Variants in ANKEF1 observed in about 807,000 individuals in gnomAD.
ANKEF1 encodes ankyrin repeat and EF-hand domain containing 1.
A neutral mutation model predicts 65.1 loss-of-function variants in ANKEF1; 43 were observed. The ratio of observed to expected loss-of-function variants is 0.66; its 90% CI spans 0.52 to 0.85. The LOEUF is 0.85. Ranked by LOEUF, ANKEF1 falls within the 40% of genes least tolerant of loss-of-function variation. ANKEF1 has a pLI of 0.00. For synonymous variants in ANKEF1, 316 were observed against 341.5 expected (o/e 0.93, Z 0.82); for missense variants, 934 against 952.9 (o/e 0.98, Z 0.26).
chr20:10,054,420 A>G (rs1985030687), intron 9 of ANKEF1, 42 bp from the exon 10 acceptor site: 2 of 1,460,044 alleles, frequency 1.4e-6, no homozygotes, highest in Non-Finnish European at 1.8e-6. Context: ...GAAAATCAGT[A>G]TAGATTTTTA....
At position 10,051,765 on chromosome 20, in the gene ANKEF1, T is replaced by G. The variant is rs683145; in HGVS notation, c.1746T>G (p.Ala582=). 0.25 allele frequency: 409,123 copies of G among 1,613,280 alleles called. 54,040 individuals carry two copies. Among genetic ancestry groups the G allele is most frequent in the Middle Eastern group, 0.29 (1,755 of 6,056 alleles). ...DIVELLVESG[A]LIDAASINNS... ...TTGAGCTTCTTGTTGAATCTGGAGC[T>G]TTAATAGATGCAGCTTCAATCAACA... The change falls in exon 8 of 11, where the codon GCT becomes GCG. Residue 582 remains alanine (A), a synonymous_variant. Transcript: ENST00000378392.
intron 9 of ANKEF1, among the ~76,000 whole-genome samples, chr20:10,053,614 T>C (rs1445536012): frequency 4.6e-5 from 7 of 152,146 alleles, no homozygotes; most frequent in African/African-American, 1.7e-4. Flanking sequence ...ATGGTCCAAA[T>C]AGGGAAGGAG....
intron 2 of ANKEF1, among the ~76,000 whole-genome samples, chr20:10,036,235 C>T (rs1043115562): frequency 3.9e-5 from 6 of 152,174 alleles, no homozygotes; most frequent in African/African-American, 7.2e-5. Flanking sequence ...ATTAATTCTC[C>T]GTTAGAGATG....
intron 8 of ANKEF1, among the ~76,000 whole-genome samples, 184 bp downstream of exon 8, chr20:10,052,073 G>A (rs1421618015): frequency 6.6e-6 from 1 of 151,952 alleles, no homozygotes; most frequent in Non-Finnish European, 1.5e-5. Flanking sequence ...CATTGGTGTT[G>A]GAGGGCCAAT....
chr20:10,055,726 A>G lies in ANKEF1; in HGVS notation c.*66A>G, dbSNP rs1021038853. 3 of 1,563,030 alleles carry G rather than the reference A, an allele frequency of 1.9e-6. No homozygotes were observed. Among genetic ancestry groups the G allele is most frequent in the African/African-American group, 1.4e-5 (1 of 73,514 alleles). On this transcript the variant is annotated 3_prime_UTR_variant, in exon 11 of 11. Transcript: ENST00000378392. ...AGGGACCAATCTTTGGAGAAAGTAG[A>G]TATTTCCATCAAAGCCAAAGCAATC...
Position 10,049,652 on chromosome 20 carries a change from G to A in ANKEF1, c.1083G>A (p.Met361Ile). 3 of 1,614,142 alleles carry A rather than the reference G, an allele frequency of 1.9e-6. No homozygotes were observed. Among genetic ancestry groups the A allele is most frequent in the African/African-American group, 1.3e-5 (1 of 75,020 alleles). Reference sequence around the variant, plus strand: ...GCATCAGCAAGAACGACTTCGTGATGGTGTTGGAGGAAAGGCAGGATTATG... The same window carrying A: ...GCATCAGCAAGAACGACTTCGTGATAGTGTTGGAGGAAAGGCAGGATTATG... Reference protein sequence around the residue: ...DGSISKNDFVMVLEERQDYAS... With the variant: ...DGSISKNDFVIVLEERQDYAS... The change falls in exon 7 of 11, where the codon ATG becomes ATA. Residue 361 changes from methionine (M) to isoleucine (I), a missense_variant. Transcript: ENST00000378392.
rs556032652 is a variant in ANKEF1 at position 10,058,056 on chromosome 20, T to C, written c.*2396T>C. 5.9e-5 allele frequency: 9 copies of C among 152,316 alleles called. No homozygotes were observed. The South Asian group carries it at 1.9e-3, about 32-fold the overall frequency. 9.4% of individuals were successfully genotyped at this position (152,316 alleles called of 1,614,324 possible). On this transcript the variant is annotated 3_prime_UTR_variant, in exon 11 of 11. Transcript: ENST00000378392. ...ACAGATGTCATTGCACCCTTCTCAG[T>C]ACATCATATCAGGAGGCACATGATG...
intron 5 of ANKEF1, 108 bp downstream of exon 5, chr20:10,044,651 A>C: frequency 9.7e-7 from 1 of 1,029,516 alleles, no homozygotes; most frequent in Non-Finnish European, 1.4e-6. Flanking sequence ...CATTTTTCTG[A>C]GTTACCTATG....
chr20:10,039,189 A>G (rs77903039), intron 3 of ANKEF1, among the ~76,000 whole-genome samples: 1,842 of 152,332 alleles, frequency 0.012, 33 homozygotes, highest in African/African-American at 0.041. Context: ...CAAACTTTAG[A>G]CATGACCTTT....
chr20:10,054,650 T>C lies in ANKEF1; in HGVS notation c.2172+51T>C, dbSNP rs556434447. On this transcript the variant is annotated intron_variant, in intron 10 of 10. Coordinates refer to ENST00000378392, the MANE Select transcript of ANKEF1 (RefSeq NM_022096.6). ...AGCATGGTAGAAGCTCATAATGTCA[T>C]TTTTTCAAAAGCTTTTTATGTAGAA... is the stretch of plus-strand genomic sequence containing the variant. 1.9e-5 allele frequency: 30 copies of C among 1,549,606 alleles called. No homozygotes were observed. The East Asian group carries it at 6.9e-4, about 36-fold the overall frequency.
chr20:10,050,459 A>G (rs1055334402), intron 7 of ANKEF1, among the ~76,000 whole-genome samples: 18 of 152,234 alleles, frequency 1.2e-4, no homozygotes, highest in Admixed American at 6.5e-5. Flanking sequence ...CAAATGCCCT[A>G]TAAAAGTATG....
chr20:10,038,904 TGAG>T (rs971017478), intron 3 of ANKEF1, among the ~76,000 whole-genome samples: 21 of 152,374 alleles, frequency 1.4e-4, no homozygotes, highest in African/African-American at 4.3e-4. Context: ...TTCTTTTAAA[TGAG>T]GAGAATTTTG....
rs1985248263 is a variant in ANKEF1 at position 10,057,714 on chromosome 20, A to G, written c.*2054A>G. The G allele has an allele frequency of 6.6e-6, 1 of 152,208 alleles. No homozygotes were observed. The highest frequency in any genetic ancestry group is 1.5e-5 in the Non-Finnish European group (1 of 68,034). The allele number at this position is 152,208 out of a possible 1,614,324, so 9.4% of individuals were successfully genotyped here. A position where few individuals can be genotyped will look rare whatever the true frequency, so the allele number is the denominator to read the frequency against. ...AATCACGATGTTCTTTTGCATAACA[A>G]TATTACCATTGGCAAACTAAGGAAA... On this transcript the variant is annotated 3_prime_UTR_variant, in exon 11 of 11. Coordinates refer to ENST00000378392, the MANE Select transcript of ANKEF1 (RefSeq NM_022096.6).
At chr20:10,043,928 G>T (rs150919088) in intron 4 of ANKEF1, among the ~76,000 whole-genome samples, 2 of 151,942 alleles carry the variant, frequency 1.3e-5, no homozygotes, top group African/African-American at 2.4e-5. Flanking sequence ...CTTCCAAAGC[G>T]CTGGGATTAC....
intron 9 of ANKEF1, 112 bp from the exon 10 acceptor site, chr20:10,054,350 G>A: frequency 1.3e-6 from 1 of 791,418 alleles, no homozygotes; most frequent in Non-Finnish European, 1.9e-6. Context: ...AACTTGTACA[G>A]TAGCATTTTT....
At position 10,056,687 on chromosome 20, in the gene ANKEF1, A is replaced by G. The variant is rs1985194063; in HGVS notation, c.*1027A>G. The G allele has an allele frequency of 6.6e-6, 1 of 152,114 alleles. No homozygotes were observed. Among genetic ancestry groups the G allele is most frequent in the Non-Finnish European group, 1.5e-5 (1 of 68,024 alleles). 9.4% of individuals were successfully genotyped at this position (152,114 alleles called of 1,614,324 possible). ...AGTGGAATTTCTTCTTCATCATGGAAACCTCAGTTTTGTTCATACACCTAA... is the reference window on the plus strand; with the variant it reads ...AGTGGAATTTCTTCTTCATCATGGAGACCTCAGTTTTGTTCATACACCTAA... On this transcript the variant is annotated 3_prime_UTR_variant, in exon 11 of 11. Transcript: ENST00000378392.
chr20:10,038,011 A>G (rs1203213255), intron 2 of ANKEF1, among the ~76,000 whole-genome samples: 2 of 152,204 alleles, frequency 1.3e-5, no homozygotes, highest in African/African-American at 4.8e-5. Context: ...TGTGATGAGG[A>G]GGGAAGGTTA....
Position 10,044,453 on chromosome 20 carries a change from A to G in ANKEF1, c.606A>G (p.Arg202=), listed in dbSNP as rs1231068989. Reference sequence around the variant, plus strand: ...GAGAAGGGGTAGTGGAAATAGTTCGAGGCATATTGGAAAGAGGAGGTGAAG... The same window carrying G: ...GAGAAGGGGTAGTGGAAATAGTTCGGGGCATATTGGAAAGAGGAGGTGAAG... ...ASREGVVEIV[R]GILERGGEVN... is the part of the protein sequence containing the mutation. Residue 202 remains arginine, a synonymous_variant, in exon 5 of 11, where the codon CGA becomes CGG. Transcript: ENST00000378392. 7 of 1,614,154 alleles carry G rather than the reference A, an allele frequency of 4.3e-6. No individual in the cohort carries two copies. Among genetic ancestry groups the G allele is most frequent in the African/African-American group, 1.3e-5 (1 of 75,062 alleles).
At chr20:10,048,933 A>G (rs1984672671) in intron 6 of ANKEF1, among the ~76,000 whole-genome samples, 1 of 152,220 alleles carries the variant, frequency 6.6e-6, no homozygotes, top group African/African-American at 2.4e-5. Context: ...AAAATTATAC[A>G]CAGATTTACA....
Sources: allele counts gnomAD v4.1 joint callset (sites outside exome capture counted in the v4.1 genomes callset), GRCh38; gene constraint gnomAD v4.1.1; transcripts MANE v1.5; gene names NCBI Gene and HGNC (gene_info 2026-07-23, HGNC 2026-07-21).